AMHR2: variants seen among roughly 807,000 people sequenced by gnomAD.
AMHR2 encodes anti-Mullerian hormone receptor type 2.
AMHR2 carries 36 observed loss-of-function variants against 61.4 expected under a neutral mutation model. That is an observed-to-expected ratio of 0.59 (90% CI 0.45 to 0.77). The LOEUF is 0.77. AMHR2 is among the 30% of genes least tolerant of loss of function. AMHR2 has a pLI of 0.00. For synonymous variants in AMHR2, 258 were observed against 279.4 expected (o/e 0.92, Z 0.76); for missense variants, 638 against 714.6 (o/e 0.89, Z 1.22).
chr12:53,425,345 A>G, intron 4 of AMHR2, 103 bp downstream of exon 4: 1 of 1,605,754 alleles, frequency 6.2e-7, no homozygotes, highest in Non-Finnish European at 8.5e-7. Context: ...GGATCTCTAT[A>G]GCCTGATTCC....
At chr12:53,424,622 A>G (rs1202664454) in intron 2 of AMHR2, 87 bp from the exon 3 acceptor site, 1 of 1,532,148 alleles carries the variant, frequency 6.5e-7, no homozygotes, top group Non-Finnish European at 9.0e-7. Context: ...CTGATAGAGA[A>G]GGGATTTACC....
rs1014830921 is a variant in AMHR2 at position 53,429,382 on chromosome 12, A to T, written c.968-71A>T. On this transcript the variant is annotated intron_variant, in intron 7 of 10. Coordinates refer to ENST00000257863, the MANE Select transcript of AMHR2 (RefSeq NM_020547.3). ...ACTCCAGCCTGGGCGACAGAGCGAGACGCCGACTCAAAAAAAAAAAAAGAG... is the reference window on the plus strand; with the variant it reads ...ACTCCAGCCTGGGCGACAGAGCGAGTCGCCGACTCAAAAAAAAAAAAAGAG... 17 of 1,502,606 alleles carry T rather than the reference A, an allele frequency of 1.1e-5. No individual in the cohort carries two copies. The Admixed American group carries it at 1.4e-4, about 12-fold the overall frequency. 93.1% of individuals were successfully genotyped at this position (1,502,606 alleles called of 1,614,324 possible). A position where few individuals can be genotyped will look rare whatever the true frequency, so the allele number is the denominator to read the frequency against.
At chr12:53,427,699 G>A (rs1361100811) in intron 6 of AMHR2, among the ~76,000 whole-genome samples, 3 of 152,152 alleles carry the variant, frequency 2.0e-5, no homozygotes, top group Non-Finnish European at 2.9e-5. Flanking sequence ...CACCCCGCCC[G>A]GCCATGCTAC....
In AMHR2 at chr12:53,428,974, G is replaced by T. The variant is rs1302954517; in HGVS notation, c.931G>T (p.Gly311Cys). Residue 311 changes from glycine (G) to cysteine (C), a missense_variant, in exon 7 of 11, where the codon GGC becomes TGC. Physicochemically the swap from Gly to Cys is radical, Grantham distance 159. Transcript: ENST00000257863. ...SLRMALSLAQ[G>C]LAFLHEERWQ... ...GCGGATGGCACTGTCCCTGGCCCAG[G>T]GCCTGGCATTTCTCCATGAGGAGCG... The T allele has an allele frequency of 1.7e-5, 26 of 1,551,380 alleles. No individual in the cohort carries two copies. The highest frequency in any genetic ancestry group is 2.3e-5 in the Non-Finnish European group (26 of 1,147,034).
In AMHR2 at chr12:53,425,187, G is replaced by A. The variant is rs763468504; in HGVS notation, c.447G>A (p.Leu149=). The change falls in exon 4 of 11, where the codon CTG becomes CTA. Residue 149 remains leucine, a synonymous_variant. Transcript: ENST00000257863. ...AAPGESIWMA[L]VLLGLFLLLL... is the part of the protein sequence containing the mutation. ...CAGGTGAGTCCATCTGGATGGCACT[G>A]GTGCTGCTGGGGCTGTTCCTCCTCC... 58 of 1,613,824 alleles carry A rather than the reference G, an allele frequency of 3.6e-5. No individual in the cohort carries two copies. Among genetic ancestry groups the A allele is most frequent in the Non-Finnish European group, 4.7e-5 (56 of 1,180,030 alleles).
chr12:53,430,471 T>G, intron 10 of AMHR2, 189 bp downstream of exon 10: 1 of 841,102 alleles, frequency 1.2e-6, no homozygotes, highest in Middle Eastern at 3.6e-4. Context: ...ACCCTAAGTC[T>G]CACACAGTCG....
At chr12:53,429,251 G>A (rs1939891435) in intron 7 of AMHR2, among the ~76,000 whole-genome samples, 1 of 152,078 alleles carries the variant, frequency 6.6e-6, no homozygotes, top group South Asian at 2.1e-4. Context: ...TATTAGCCGG[G>A]CGTGGTGGCA....
At position 53,430,200 on chromosome 12, in the gene AMHR2, C is replaced by G. The variant is rs1193296148; in HGVS notation, c.1343C>G (p.Pro448Arg). 3 of 1,612,842 alleles carry G rather than the reference C, an allele frequency of 1.9e-6. No homozygotes were observed. The highest frequency in any genetic ancestry group is 2.5e-6 in the Non-Finnish European group (3 of 1,179,014). The change falls in exon 10 of 11, where the codon CCT becomes CGT. Residue 448 changes from proline (P) to arginine (R), a missense_variant. Physicochemically the swap from Pro to Arg is moderately radical, Grantham distance 103. Transcript: ENST00000257863. ...TATGAGGCAGAACTGGGCAATACCC[C>G]TACCTCTGATGAGCTATGGGCCTTG... ...LAYEAELGNT[P>R]TSDELWALAV...
chr12:53,430,299 G>T lies in AMHR2; in HGVS notation c.1425+17G>T. 1 of 1,614,160 alleles carries T rather than the reference G, an allele frequency of 6.2e-7. No individual in the cohort carries two copies. Among genetic ancestry groups the T allele is most frequent in the South Asian group, 1.1e-5 (1 of 91,082 alleles). On this transcript the variant is annotated intron_variant, in intron 10 of 10. Transcript: ENST00000257863. ...TTTGCCACAGTAAGAGGCCTAGGCT[G>T]TTGGTCTGGGAACCTGGAGAGTGGG...
At position 53,428,918 on chromosome 12, in the gene AMHR2, CCCAGTACA is replaced by C. The variant is rs1214966238; in HGVS notation, c.881_888del (p.Tyr294Ter). 6.4e-7 allele frequency: 1 copy of C among 1,551,480 alleles called. No individual in the cohort carries two copies. The highest frequency in any genetic ancestry group is 1.4e-5 in the African/African-American group (1 of 73,024). ...CAGGGCTCCCTGTGCCACTACTTGA[CCCAGTACA>C]CCAGTGACTGGGGAAGTTCCCTGCG... On this transcript the variant is annotated frameshift_variant, in exon 7 of 11. Transcript: ENST00000257863. LOFTEE classifies it high-confidence loss of function.
chr12:53,429,379 G>T, intron 7 of AMHR2, 74 bp from the exon 8 acceptor site: 1 of 1,494,936 alleles, frequency 6.7e-7, no homozygotes, highest in South Asian at 1.1e-5. Flanking sequence ...GCGACAGAGC[G>T]AGACGCCGAC....
intron 10 of AMHR2, chr12:53,430,519 A>C: frequency 1.6e-6 from 1 of 621,674 alleles, no homozygotes; most frequent in African/African-American, 1.8e-5. Flanking sequence ...CCTCCTGCTC[A>C]ACCTTGCCCA....
In AMHR2 at chr12:53,430,180, G is replaced by A. The variant is rs1275209614; in HGVS notation, c.1323G>A (p.Glu441=). 5 of 1,614,060 alleles carry A rather than the reference G, an allele frequency of 3.1e-6. No homozygotes were observed. The highest frequency in any genetic ancestry group is 4.2e-6 in the Non-Finnish European group (5 of 1,180,040). The change falls in exon 10 of 11, where the codon GAG becomes GAA. Residue 441 remains glutamate (E), a synonymous_variant. Transcript: ENST00000257863. ...SSPPPFQLAY[E]AELGNTPTSD... ...CACCACCCTTCCAACTGGCCTATGA[G>A]GCAGAACTGGGCAATACCCCTACCT...
In AMHR2 at chr12:53,424,891, G is replaced by A; in HGVS notation, c.415G>A (p.Ala139Thr). ...PGTPGSQGPQ[A>T]APGESIWMAL... ...GACTCCTGGCTCCCAGGGTCCCCAG[G>A]CTGCCCCAGGTAGCCACCCAAGGGT... Residue 139 changes from alanine to threonine, a missense_variant, in exon 3 of 11, where the codon GCT becomes ACT. Coordinates refer to ENST00000257863, the MANE Select transcript of AMHR2 (RefSeq NM_020547.3). 2 of 1,611,436 alleles carry A rather than the reference G, an allele frequency of 1.2e-6. No homozygotes were observed. Among genetic ancestry groups the A allele is most frequent in the South Asian group, 1.1e-5 (1 of 91,074 alleles).
chr12:53,425,528 C>G lies in AMHR2; in HGVS notation c.576C>G (p.Asp192Glu). The G allele has an allele frequency of 6.2e-7, 1 of 1,614,094 alleles. No homozygotes were observed. The highest frequency in any genetic ancestry group is 1.1e-5 in the South Asian group (1 of 91,084). The change falls in exon 5 of 11, where the codon GAC (aspartate) becomes GAG (glutamate). Residue 192 changes from aspartate to glutamate, a missense_variant. Coordinates refer to ENST00000257863, the MANE Select transcript of AMHR2 (RefSeq NM_020547.3). ...AGCCAAGGCCAGACTCAGGCAGGGACTGGAGTGTGGAGCTGCAGGAGCTGC... is the reference window on the plus strand; with the variant it reads ...AGCCAAGGCCAGACTCAGGCAGGGAGTGGAGTGTGGAGCTGCAGGAGCTGC... The part of the protein sequence containing the change: ...VPEPRPDSGR[D>E]WSVELQELPE...
chr12:53,430,229 G>C lies in AMHR2; in HGVS notation c.1372G>C (p.Val458Leu), dbSNP rs2136972424. ...CTCTGATGAGCTATGGGCCTTGGCA[G>C]TGCAGGAGAGGAGGCGTCCCTACAT... is the stretch of plus-strand genomic sequence containing the variant. ...PTSDELWALA[V>L]QERRRPYIPS... The change falls in exon 10 of 11, where the codon GTG becomes CTG. Residue 458 changes from valine to leucine, a missense_variant. Physicochemically the swap from Val to Leu is conservative, Grantham distance 32. Coordinates refer to ENST00000257863, the MANE Select transcript of AMHR2 (RefSeq NM_020547.3). The C allele has an allele frequency of 6.2e-7, 1 of 1,614,230 alleles. No homozygotes were observed. The highest frequency in any genetic ancestry group is 8.5e-7 in the Non-Finnish European group (1 of 1,180,042).
At chr12:53,427,351 A>G (rs1394550703) in intron 6 of AMHR2, among the ~76,000 whole-genome samples, 2 of 152,194 alleles carry the variant, frequency 1.3e-5, no homozygotes. Context: ...AAGTTTTCAT[A>G]CCATTTCCCA....
intron 3 of AMHR2, 30 bp downstream of exon 3, chr12:53,424,930 G>C: frequency 1.2e-6 from 2 of 1,600,980 alleles, no homozygotes; most frequent in Non-Finnish European, 1.7e-6. Context: ...GAAGCCTGAT[G>C]GGGGCTGGGG....
At chr12:53,430,497 G>A in intron 10 of AMHR2, 1 of 690,890 alleles carries the variant, frequency 1.4e-6, no homozygotes, top group Admixed American at 2.4e-5. Flanking sequence ...ATCTACCTGA[G>A]ACACACACCT....
Sources: allele counts gnomAD v4.1 joint callset (sites outside exome capture counted in the v4.1 genomes callset), GRCh38; gene constraint gnomAD v4.1.1; transcripts MANE v1.5; gene names NCBI Gene and HGNC (gene_info 2026-07-23, HGNC 2026-07-21).